Variants in DCAF1 observed in about 807,000 individuals in gnomAD.
DCAF1 encodes DDB1 and CUL4 associated factor 1, also known as DDB1- and CUL4-associated factor 1.
A neutral mutation model predicts 128.0 loss-of-function variants in DCAF1; 15 were observed. That is an observed-to-expected ratio of 0.12 (90% CI 0.08 to 0.18). The LOEUF is 0.18. Ranked by LOEUF, DCAF1 falls within the 10% of genes least tolerant of loss-of-function variation. DCAF1 has a pLI of 1.00. For synonymous variants in DCAF1, 610 were observed against 603.0 expected, an observed-to-expected ratio of 1.01 and a Z score of -0.17; for missense variants, 988 against 1,649.5, an observed-to-expected ratio of 0.60 and a Z score of 6.95.
At chr3:51,496,120 T>C (rs1461078133) in intron 2 of DCAF1, among the ~76,000 whole-genome samples, 3 of 151,804 alleles carry the variant, frequency 2.0e-5, no homozygotes, top group African/African-American at 7.3e-5. Context: ...GGAGAAACCC[T>C]GTCTCTACTA....
intron 3 of DCAF1, among the ~76,000 whole-genome samples, chr3:51,477,090 A>G (rs1705557659): frequency 6.6e-6 from 1 of 152,028 alleles, no homozygotes; most frequent in African/African-American, 2.4e-5. Context: ...TCAAAACAAA[A>G]CAAAAAAAAG....
At chr3:51,427,316 T>C (rs1375240340) in intron 13 of DCAF1, 56 bp downstream of exon 13, 1 of 644,134 alleles carries the variant, frequency 1.6e-6, no homozygotes, top group Admixed American at 2.5e-5. Context: ...CAAACCAACA[T>C]CAACTTTAAC....
chr3:51,411,629 A>G (rs919456072), intron 23 of DCAF1, among the ~76,000 whole-genome samples: 16 of 152,336 alleles, frequency 1.1e-4, no homozygotes, highest in Non-Finnish European at 1.8e-4. Context: ...TATCTTACCT[A>G]TAAGTTCAAC....
At position 51,398,262 on chromosome 3, in the gene DCAF1, T is replaced by C. The variant is rs2089355100; in HGVS notation, c.*507A>G. 1 of 152,198 alleles carries C rather than the reference T, an allele frequency of 6.6e-6. No individual in the cohort carries two copies. The allele number at this position is 152,198 out of a possible 1,614,324, so 9.4% of individuals were successfully genotyped here. ...ACCACGATTTTCCTTTTCATTTAAATACGTATGTAAAAATGCCTCTATATT... is the reference window on the plus strand; with the variant it reads ...ACCACGATTTTCCTTTTCATTTAAACACGTATGTAAAAATGCCTCTATATT... On this transcript the variant is annotated 3_prime_UTR_variant, in exon 25 of 25. Transcript: ENST00000684031.
At chr3:51,492,683 C>A (rs1707786617) in intron 2 of DCAF1, among the ~76,000 whole-genome samples, 2 of 152,116 alleles carry the variant, frequency 1.3e-5, no homozygotes, top group Non-Finnish European at 1.5e-5. Flanking sequence ...AACTGGAACA[C>A]ATATTGCTTG....
intron 3 of DCAF1, among the ~76,000 whole-genome samples, chr3:51,473,490 C>CA (rs113483060): frequency 0.11 from 2,505 of 22,590 alleles, 227 homozygotes; most frequent in East Asian, 0.4. Context: ...GACTCCATCT[C>CA]AAAAAAAAAA....
intron 14 of DCAF1, 131 bp from the exon 15 acceptor site, chr3:51,421,128 C>A: frequency 9.2e-7 from 1 of 1,092,608 alleles, no homozygotes; most frequent in Non-Finnish European, 1.3e-6. Flanking sequence ...GTAAAAACTG[C>A]AAGGGTTTGT....
rs868916109 is a variant in DCAF1, at chr3:51,420,033, C to T, written c.2937G>A (p.Ser979=). 6 of 1,613,866 alleles carry T rather than the reference C, an allele frequency of 3.7e-6. No homozygotes were observed. The highest frequency in any genetic ancestry group is 1.6e-4 in the Middle Eastern group (1 of 6,084). Reference sequence around the variant, plus strand: ...GGCTTTGGCTGTAGGCACCATGGTCCGACTTCTGCCGCAACACTCTGATTT... The same window carrying T: ...GGCTTTGGCTGTAGGCACCATGGTCTGACTTCTGCCGCAACACTCTGATTT... ...GRKIRVLRQK[S]DHGAYSQSPA... The change falls in exon 15 of 25, where the codon TCG becomes TCA. Residue 979 remains serine, a synonymous_variant. Coordinates refer to ENST00000684031, the MANE Select transcript of DCAF1 (RefSeq NM_001387579.1). The surrounding 1 kb of genome is among the most constrained non-coding windows in gnomAD (Gnocchi z 6.5).
chr3:51,435,849 C>G (rs1193924375), intron 9 of DCAF1, among the ~76,000 whole-genome samples: 2 of 152,078 alleles, frequency 1.3e-5, no homozygotes, highest in Non-Finnish European at 2.9e-5. Context: ...ATAAAAAACA[C>G]TCAATAAATG....
chr3:51,502,312 C>G (rs1708839863), upstream of DCAF1, among the ~76,000 whole-genome samples: 1 of 152,158 alleles, frequency 6.6e-6, no homozygotes, highest in Non-Finnish European at 1.5e-5. Flanking sequence ...GGCTGAGAAT[C>G]TCTTGATCCC....
Position 51,403,136 on chromosome 3 carries a change from T to C in DCAF1, c.4465+7A>G. 1 of 1,607,732 alleles carries C rather than the reference T, an allele frequency of 6.2e-7. No homozygotes were observed. The highest frequency in any genetic ancestry group is 8.5e-7 in the Non-Finnish European group (1 of 1,176,132). ...AAGGCTCAGCCTGAACTCTGCCCTA[T>C]ACTTACTGTCCCCCAGGATCAGTTC... On this transcript the variant is annotated splice_region_variant and intron_variant, in intron 24 of 24. Coordinates refer to ENST00000684031, the MANE Select transcript of DCAF1 (RefSeq NM_001387579.1).
chr3:51,463,299 C>T, intron 5 of DCAF1, 72 bp from the exon 6 acceptor site: 2 of 865,774 alleles, frequency 2.3e-6, no homozygotes, highest in East Asian at 2.9e-5. Context: ...CTAATAAAAC[C>T]TCAACATATT....
At chr3:51,465,390 T>C (rs1366560037) in intron 5 of DCAF1, among the ~76,000 whole-genome samples, 1 of 152,176 alleles carries the variant, frequency 6.6e-6, no homozygotes, top group African/African-American at 2.4e-5. Context: ...GATCTGAAAC[T>C]AAGAAAGAGA....
intron 4 of DCAF1, among the ~76,000 whole-genome samples, chr3:51,468,754 C>T (rs1704409238): frequency 1.3e-5 from 2 of 152,062 alleles, no homozygotes; most frequent in Admixed American, 1.3e-4. Flanking sequence ...AGAAATAATG[C>T]CACTGACAAA....
Position 51,499,989 on chromosome 3 carries a change from A to T in DCAF1, c.-172T>A, listed in dbSNP as rs538731123. 6.8e-6 allele frequency: 1 copy of T among 146,964 alleles called. No individual in the cohort carries two copies. Among genetic ancestry groups the T allele is most frequent in the Admixed American group, 6.8e-5 (1 of 14,646 alleles). The allele number at this position is 146,964 out of a possible 1,614,324, so 9.1% of individuals were successfully genotyped here. On this transcript the variant is annotated 5_prime_UTR_variant, in exon 1 of 25. Coordinates refer to ENST00000684031, the MANE Select transcript of DCAF1 (RefSeq NM_001387579.1). ...ACTCACACACACACACAGCGCGACC[A>T]CGGCTCCACAGCGGCCCACATATTA...
chr3:51,505,412 C>T, the DCAF1 span, among the ~76,000 whole-genome samples: 3 of 152,272 alleles, frequency 2.0e-5, no homozygotes, highest in South Asian at 2.1e-4. Flanking sequence ...CTACCATGGG[C>T]GTATCCCTCT....
At chr3:51,460,052 G>C (rs1432447435) in intron 6 of DCAF1, among the ~76,000 whole-genome samples, 3 of 152,130 alleles carry the variant, frequency 2.0e-5, no homozygotes, top group African/African-American at 7.2e-5. Flanking sequence ...GGGAGTTCTG[G>C]CCAGGGCAAT....
intron 6 of DCAF1, among the ~76,000 whole-genome samples, chr3:51,453,214 A>C (rs1386036766): frequency 1.3e-5 from 2 of 152,182 alleles, no homozygotes; most frequent in African/African-American, 4.8e-5. Context: ...CGTTAATCAC[A>C]ACGTTATTCT....
Position 51,420,334 on chromosome 3 carries a change from G to A in DCAF1, c.2636C>T (p.Thr879Ile), listed in dbSNP as rs1393374807. ...AAAGGCAGAAGAATGGGAGGCAGCA[G>A]TCATGGGCAGGTCAGCCTCTTTTGT... ...VLTKEADLPM[T>I]AASHSSAFTP... Residue 879 changes from threonine (T) to isoleucine (I), a missense_variant, in exon 15 of 25, where the codon ACT (threonine) becomes ATT (isoleucine). Thr to Ile is a moderately conservative substitution (Grantham distance 89). This residue lies in a region of DCAF1 where 88 missense variants were observed against 107.7 expected (regional missense o/e 0.82). Transcript: ENST00000684031. The surrounding 1 kb of genome is among the most constrained non-coding windows in gnomAD (Gnocchi z 6.5). 5 of 1,614,046 alleles carry A rather than the reference G, an allele frequency of 3.1e-6. No individual in the cohort carries two copies. In the East Asian group the frequency reaches 1.1e-4, roughly 36 times the overall value.
Sources: gnomAD v4.1 joint callset for allele counts (sites outside exome capture counted in the v4.1 genomes callset) on GRCh38, gnomAD v4.1.1 for gene constraint, gnomAD v4.1.1 regional missense constraint, Gnocchi (gnomAD v3.1) non-coding constraint, MANE v1.5 for transcripts, NCBI Gene and HGNC (gene_info 2026-07-23, HGNC 2026-07-21) for gene names.